PHF20: variants seen among roughly 807,000 people sequenced by gnomAD.
PHF20 encodes the protein glioma-expressed antigen 2.
PHF20 carries 23 observed loss-of-function variants against 113.5 expected under a neutral mutation model. That is an observed-to-expected ratio of 0.20 (90% CI 0.15 to 0.29). The LOEUF is 0.29. Ranked by LOEUF, PHF20 falls within the 10% of genes least tolerant of loss-of-function variation. The probability of loss-of-function intolerance (pLI) is 1.00; values close to 1 mark genes in which losing one functional copy is unlikely to be tolerated. For missense variants in PHF20, 943 were observed against 1,219.6 expected, an observed-to-expected ratio of 0.77 and a Z score of 3.38; for synonymous variants, 434 against 457.3, an observed-to-expected ratio of 0.95 and a Z score of 0.65.
chr20:35,906,044 C>T (rs2055194797), intron 10 of PHF20, among the ~76,000 whole-genome samples: 1 of 152,218 alleles, frequency 6.6e-6, no homozygotes, highest in African/African-American at 2.4e-5. Flanking sequence ...GTCCTGAATA[C>T]AGGTTAGGCT....
At chr20:35,840,466 T>A (rs1171004431) in intron 2 of PHF20, among the ~76,000 whole-genome samples, 1 of 152,160 alleles carries the variant, frequency 6.6e-6, no homozygotes, top group Admixed American at 6.6e-5. Flanking sequence ...TGGGTACTTT[T>A]AAAGTTGTTG....
intron 1 of PHF20, among the ~76,000 whole-genome samples, chr20:35,799,638 T>A (rs1345397227): frequency 6.6e-6 from 1 of 152,050 alleles, no homozygotes; most frequent in Admixed American, 6.6e-5. Context: ...ATTAGTAGAT[T>A]AATTACCTCA....
chr20:35,889,009 CTTTTTTTTTTTT>C lies in PHF20; in HGVS notation c.1283-10347_1283-10336del, dbSNP rs566960589. On this transcript the variant is annotated intron_variant, in intron 9 of 17. Transcript: ENST00000374012. ...TGACAACCAGTGGCCCTCTTAGTTTCTTTTTTTTTTTTTTTTTTTTTTTTTGAAATGGAGTCT... is the reference window on the plus strand; with the variant it reads ...TGACAACCAGTGGCCCTCTTAGTTTCTTTTTTTTTTTTTGAAATGGAGTCT... Among the ~76,000 whole-genome samples, 23 of 99,216 alleles carry C rather than the reference CTTTTTTTTTTTT, an allele frequency of 2.3e-4. 1 individual carries two copies. Among genetic ancestry groups the C allele is most frequent in the East Asian group, 3.2e-4 (1 of 3,146 alleles). The allele number at this position is 99,216 out of a possible 152,430, so 65.1% of individuals were successfully genotyped here.
At chr20:35,871,892 T>TAA (rs11308881) in intron 9 of PHF20, 63 bp downstream of exon 9, 388 of 956,082 alleles carry the variant, frequency 4.1e-4, no homozygotes, top group African/African-American at 1.2e-3. Flanking sequence ...CTTTGTGAAC[T>TAA]AAAAAAAAAA....
intron 2 of PHF20, among the ~76,000 whole-genome samples, chr20:35,824,531 C>T (rs1013278037): frequency 7.9e-5 from 12 of 151,482 alleles, no homozygotes; most frequent in Admixed American, 2.6e-4. Flanking sequence ...CGCTTGAACC[C>T]GGGAGGCAGA....
chr20:35,817,608 G>C (rs555716027), intron 2 of PHF20, among the ~76,000 whole-genome samples: 1 of 152,146 alleles, frequency 6.6e-6, no homozygotes, highest in Admixed American at 6.5e-5. Flanking sequence ...ACAGCTGGGG[G>C]CAACATGGCA....
intron 10 of PHF20, among the ~76,000 whole-genome samples, chr20:35,901,888 A>G (rs972400169): frequency 6.6e-6 from 1 of 152,200 alleles, no homozygotes; most frequent in African/African-American, 2.4e-5. Flanking sequence ...TCAGGTCTCC[A>G]GACCTCACTG....
chr20:35,820,497 G>C (rs993353325), intron 2 of PHF20, among the ~76,000 whole-genome samples: 2 of 146,150 alleles, frequency 1.4e-5, no homozygotes, highest in African/African-American at 5.1e-5. Flanking sequence ...CACCCAGGCT[G>C]GAGTGCAGTG....
chr20:35,946,960 G>C (rs899581972), intron 17 of PHF20, among the ~76,000 whole-genome samples: 1 of 152,050 alleles, frequency 6.6e-6, no homozygotes, highest in African/African-American at 2.4e-5. Flanking sequence ...TGCCCGCCTC[G>C]ACCTCCCAAA....
rs1356333741 is a variant in PHF20 at position 35,787,486 on chromosome 20, T to A, written c.-32-14005T>A. Among the ~76,000 whole-genome samples, 3 of 150,258 alleles carry A rather than the reference T, an allele frequency of 2.0e-5. No homozygotes were observed. In the East Asian group the frequency reaches 5.9e-4, roughly 29 times the overall value. ...GAGCCACCGCGCCCAGCCTATTTTT[T>A]TATTTTTATTTTTACTTTTTGAGAC... is the stretch of plus-strand genomic sequence containing the variant. On this transcript the variant is annotated intron_variant, in intron 1 of 17. Transcript: ENST00000374012.
intron 1 of PHF20, among the ~76,000 whole-genome samples, chr20:35,794,081 G>A (rs976235840): frequency 1.2e-4 from 18 of 145,596 alleles, no homozygotes; most frequent in African/African-American, 4.1e-4. Flanking sequence ...TGGGTGGATC[G>A]CCTGAGGTCA....
chr20:35,847,878 C>T (rs1265635680), intron 4 of PHF20, among the ~76,000 whole-genome samples: 2 of 152,122 alleles, frequency 1.3e-5, no homozygotes, highest in African/African-American at 4.8e-5. Flanking sequence ...AACTGGGATG[C>T]CGGAATTTAG....
intron 1 of PHF20, among the ~76,000 whole-genome samples, chr20:35,791,011 A>G (rs1034473660): frequency 2.0e-5 from 3 of 152,184 alleles, no homozygotes; most frequent in Admixed American, 6.6e-5. Context: ...GGCGTGTGCC[A>G]CCATGCCCGG....
rs1020163150 is a variant in PHF20 at position 35,936,372 on chromosome 20, G to A, written c.2301-2325G>A. Reference sequence around the variant, plus strand: ...ATGGGATTGCTGGAGTGGGAGAGCTGAGACGGGATAGTTGCAGGCCCTTGG... The same window carrying A: ...ATGGGATTGCTGGAGTGGGAGAGCTAAGACGGGATAGTTGCAGGCCCTTGG... On this transcript the variant is annotated intron_variant, in intron 15 of 17. Coordinates refer to ENST00000374012, the MANE Select transcript of PHF20 (RefSeq NM_016436.5). 3.9e-5 allele frequency among the ~76,000 whole-genome samples: 6 copies of A among 152,166 alleles called. 1 individual carries two copies. The East Asian group carries it at 1.2e-3, about 29-fold the overall frequency.
chr20:35,901,013 C>T (rs897277884), intron 10 of PHF20, among the ~76,000 whole-genome samples: 4 of 151,932 alleles, frequency 2.6e-5, no homozygotes, highest in African/African-American at 7.3e-5. Flanking sequence ...TCTAGGGCTC[C>T]GAAATGTTCT....
intron 2 of PHF20, among the ~76,000 whole-genome samples, chr20:35,821,973 A>G (rs969019910): frequency 6.6e-6 from 1 of 152,220 alleles, no homozygotes; most frequent in African/African-American, 2.4e-5. Flanking sequence ...ACTAGGTTCT[A>G]GGGAGATGAT....
intron 10 of PHF20, among the ~76,000 whole-genome samples, chr20:35,908,103 C>A (rs1314756388): frequency 6.6e-6 from 1 of 152,182 alleles, no homozygotes; most frequent in Non-Finnish European, 1.5e-5. Context: ...GTTGTGAAGC[C>A]CATACTCTCA....
chr20:35,950,017 CACTCCAGCTCGGGCGACAACTGCAAG>C lies in PHF20; in HGVS notation c.*2397_*2422del, dbSNP rs1243483363. ...GAAGTGAGCCGAGATTGCGCTATTG[CACTCCAGCTCGGGCGACAACTGCAAG>C]ACTCCATCTCAAAAAAATAAAAATA... On this transcript the variant is annotated 3_prime_UTR_variant, in exon 18 of 18. Transcript: ENST00000374012. 1 of 152,454 alleles carries C rather than the reference CACTCCAGCTCGGGCGACAACTGCAAG, an allele frequency of 6.6e-6. No homozygotes were observed. The highest frequency in any genetic ancestry group is 1.5e-5 in the Non-Finnish European group (1 of 68,094). The allele number at this position is 152,454 out of a possible 1,614,324, so 9.4% of individuals were successfully genotyped here.
intron 1 of PHF20, among the ~76,000 whole-genome samples, chr20:35,785,772 G>GT (rs1369447308): frequency 6.6e-6 from 1 of 151,804 alleles, no homozygotes; most frequent in Non-Finnish European, 1.5e-5. Context: ...AAGAAATTCT[G>GT]TAAGAATAGG....
Sources: allele counts gnomAD v4.1 joint callset (sites outside exome capture counted in the v4.1 genomes callset), GRCh38; gene constraint gnomAD v4.1.1; transcripts MANE v1.5; gene names NCBI Gene and HGNC (gene_info 2026-07-23, HGNC 2026-07-21).